The following PAPSS2 variants were observed in gnomAD, a reference collection of about 807,000 sequenced individuals.
PAPSS2 encodes the protein bifunctional 3'-phosphoadenosine 5'-phosphosulfate synthase 2.
Under a neutral mutation model 66.5 loss-of-function variants are expected in PAPSS2, and 61 were observed. That is an observed-to-expected ratio of 0.92 (90% CI 0.75 to 1.14). PAPSS2 has a LOEUF of 1.14. Among genes scored for constraint, PAPSS2 ranks in the 50% most tolerant of loss-of-function variants. The probability of loss-of-function intolerance (pLI) is 0.00; values close to 1 mark genes in which losing one functional copy is unlikely to be tolerated. For synonymous variants in PAPSS2, 289 were observed against 287.5 expected (o/e 1.01, Z -0.05); for missense variants, 708 against 789.6 (o/e 0.90, Z 1.24).
At chr10:87,688,443 T>TTTTATTTTATTTTATTTA (rs541821509) in intron 1 of PAPSS2, among the ~76,000 whole-genome samples, 2,419 of 138,044 alleles carry the variant, frequency 0.018, 35 homozygotes, top group African/African-American at 0.036. Context: ...TTCTTTTTTA[T>TTTTATTTTATTTTATTTA]TTTATTTATT....
chr10:87,686,118 C>A (rs79706200), intron 1 of PAPSS2, among the ~76,000 whole-genome samples: 1 of 150,072 alleles, frequency 6.7e-6, no homozygotes, highest in Admixed American at 6.6e-5. Context: ...ATTTTGGCAG[C>A]CTTTGAATCT....
At chr10:87,728,609 G>A (rs866844658) in intron 9 of PAPSS2, among the ~76,000 whole-genome samples, 4 of 152,074 alleles carry the variant, frequency 2.6e-5, no homozygotes, top group Non-Finnish European at 4.4e-5. Flanking sequence ...ACATGGTGGC[G>A]GGCACCTGTA....
At chr10:87,702,717 T>C (rs1026212060) in intron 1 of PAPSS2, among the ~76,000 whole-genome samples, 5 of 152,132 alleles carry the variant, frequency 3.3e-5, no homozygotes, top group Non-Finnish European at 7.4e-5. Context: ...GCTTGTTTTT[T>C]TTAATTGAGA....
chr10:87,723,099 C>T (rs745533539), intron 8 of PAPSS2, among the ~76,000 whole-genome samples: 17 of 152,108 alleles, frequency 1.1e-4, no homozygotes, highest in Non-Finnish European at 1.9e-4. Flanking sequence ...TTGCAGGCAG[C>T]GCTAGGTTCT....
At chr10:87,689,316 G>C (rs1853134186) in intron 1 of PAPSS2, among the ~76,000 whole-genome samples, 2 of 148,436 alleles carry the variant, frequency 1.3e-5, no homozygotes, top group African/African-American at 5.0e-5. Flanking sequence ...CCCCAGCCTA[G>C]GCAACACGAG....
chr10:87,690,301 A>G (rs1262751905), intron 1 of PAPSS2, among the ~76,000 whole-genome samples: 1 of 152,220 alleles, frequency 6.6e-6, no homozygotes, highest in Non-Finnish European at 1.5e-5. Context: ...ATTTGCCAAG[A>G]CAGATCTGAA....
chr10:87,663,540 C>T (rs1403785142), intron 1 of PAPSS2, among the ~76,000 whole-genome samples: 1 of 152,206 alleles, frequency 6.6e-6, no homozygotes, highest in Non-Finnish European at 1.5e-5. Flanking sequence ...ATCTCATCCC[C>T]ACAGTAGCTC....
rs1589414298 is a variant in PAPSS2, at chr10:87,659,884, T to C, written c.-98T>C. On this transcript the variant is annotated 5_prime_UTR_variant, in exon 1 of 13. Transcript: ENST00000456849. Reference sequence around the variant, plus strand: ...TCCTTCCCGGGAGTCCGGCAGCCGCTGCTGCTGCTGCTGCTGCTGCTGCCG... The same window carrying C: ...TCCTTCCCGGGAGTCCGGCAGCCGCCGCTGCTGCTGCTGCTGCTGCTGCCG... The C allele has an allele frequency of 1.6e-5, 15 of 967,692 alleles. No homozygotes were observed. The highest frequency in any genetic ancestry group is 6.4e-5 in the East Asian group (2 of 31,074). The allele number at this position is 967,692 out of a possible 1,614,324, so 59.9% of individuals were successfully genotyped here. A position where few individuals can be genotyped will look rare whatever the true frequency, so the allele number is the denominator to read the frequency against.
chr10:87,680,791 T>A (rs1279385166), intron 1 of PAPSS2, among the ~76,000 whole-genome samples: 2 of 152,098 alleles, frequency 1.3e-5, no homozygotes, highest in Admixed American at 1.3e-4. Flanking sequence ...TACCTCCTTC[T>A]CCTCGGTAAC....
intron 9 of PAPSS2, among the ~76,000 whole-genome samples, chr10:87,734,022 T>C (rs1241923072): frequency 6.6e-6 from 1 of 152,186 alleles, no homozygotes; most frequent in East Asian, 1.9e-4. Context: ...TTCTATTCCA[T>C]CTTGGGTCAG....
chr10:87,743,285 A>G, intron 10 of PAPSS2, 88 bp from the exon 11 acceptor site: 1 of 1,406,320 alleles, frequency 7.1e-7, no homozygotes, highest in South Asian at 1.2e-5. Context: ...TGCACAGAAC[A>G]ATAAACATAG....
chr10:87,669,037 G>A (rs1488511156), intron 1 of PAPSS2, among the ~76,000 whole-genome samples: 1 of 152,054 alleles, frequency 6.6e-6, no homozygotes, highest in Non-Finnish European at 1.5e-5. Context: ...GGCATTCTGG[G>A]GACAGAAAAT....
intron 2 of PAPSS2, among the ~76,000 whole-genome samples, chr10:87,712,013 T>C (rs775016175): frequency 3.9e-5 from 6 of 152,192 alleles, no homozygotes; most frequent in Middle Eastern, 3.2e-3. Flanking sequence ...TTAAATAATT[T>C]TGGCAGGTTG....
At chr10:87,682,278 G>A (rs1853031828) in intron 1 of PAPSS2, among the ~76,000 whole-genome samples, 2 of 152,206 alleles carry the variant, frequency 1.3e-5, no homozygotes, top group South Asian at 2.1e-4. Context: ...GAGGAGCAAA[G>A]GGTAACATCC....
chr10:87,698,610 A>G (rs898852043), intron 1 of PAPSS2, among the ~76,000 whole-genome samples: 7 of 152,324 alleles, frequency 4.6e-5, no homozygotes, highest in Middle Eastern at 3.4e-3. Flanking sequence ...GTAAATGCAT[A>G]TTGTGAAACT....
Position 87,745,877 on chromosome 10 carries a change from C to T in PAPSS2, c.1767C>T (p.Leu589=), listed in dbSNP as rs376760591. The stretch of plus-strand genomic sequence containing the variant: ...TCTCAGGAACTCGAATGAGGAAGCT[C>T]GCCCGGGAAGGAGAGAATCCCCCAG... ...DFISGTRMRK[L]AREGENPPDG... is the part of the protein sequence containing the mutation. The change falls in exon 13 of 13, where the codon CTC becomes CTT. Residue 589 remains leucine (L), a synonymous_variant. Coordinates refer to ENST00000456849, the MANE Select transcript of PAPSS2 (RefSeq NM_001015880.2). The T allele has an allele frequency of 2.7e-5, 44 of 1,614,028 alleles. No homozygotes were observed. The highest frequency in any genetic ancestry group is 2.5e-4 in the African/African-American group (19 of 75,000).
chr10:87,669,535 C>A (rs190372479), intron 1 of PAPSS2, among the ~76,000 whole-genome samples: 10 of 152,248 alleles, frequency 6.6e-5, no homozygotes, highest in East Asian at 1.9e-4. Flanking sequence ...TTTCATTTGA[C>A]CTTTAAGTTA....
chr10:87,709,326 CA>C lies in PAPSS2; in HGVS notation c.145+14del. 8.6e-7 allele frequency: 1 copy of C among 1,159,050 alleles called. No individual in the cohort carries two copies. The highest frequency in any genetic ancestry group is 1.3e-5 in the South Asian group (1 of 77,580). The allele number at this position is 1,159,050 out of a possible 1,614,324, so 71.8% of individuals were successfully genotyped here. On this transcript the variant is annotated intron_variant, in intron 2 of 12. Transcript: ENST00000456849. ...GTGTGGCTAACAGGTATGTCATGTT[CA>C]TATATATATATATATATACAAATTG...
intron 1 of PAPSS2, among the ~76,000 whole-genome samples, chr10:87,687,528 C>T (rs1351632316): frequency 6.6e-6 from 1 of 152,122 alleles, no homozygotes; most frequent in African/African-American, 2.4e-5. Context: ...CTAAAGATGA[C>T]CGCATAGAAA....
Sources: allele counts gnomAD v4.1 joint callset (sites outside exome capture counted in the v4.1 genomes callset), GRCh38; gene constraint gnomAD v4.1.1; transcripts MANE v1.5; gene names NCBI Gene and HGNC (gene_info 2026-07-23, HGNC 2026-07-21).